Variants in SLC2A9 observed in about 807,000 individuals in gnomAD.
SLC2A9 encodes solute carrier family 2, facilitated glucose transporter member 9.
SLC2A9 carries 39 observed loss-of-function variants against 50.6 expected under a neutral mutation model. That is an observed-to-expected ratio of 0.77 (90% CI 0.60 to 1.01). The LOEUF (loss-of-function observed/expected upper bound fraction) is 1.01. SLC2A9 is among the 50% of genes least tolerant of loss of function. SLC2A9 has a pLI of 0.00. For missense variants in SLC2A9, 686 were observed against 677.6 expected (o/e 1.01, Z -0.14); for synonymous variants, 324 against 276.9 (o/e 1.17, Z -1.69).
intron 6 of SLC2A9, among the ~76,000 whole-genome samples, chr4:9,939,743 T>G (rs1338756190): frequency 6.6e-6 from 1 of 152,118 alleles, no homozygotes; most frequent in Non-Finnish European, 1.5e-5. Flanking sequence ...TCTGTCCATC[T>G]CCCTTAACTA....
intron 1 of SLC2A9, among the ~76,000 whole-genome samples, chr4:10,034,026 C>T (rs1444964413): frequency 6.6e-6 from 1 of 152,236 alleles, no homozygotes; most frequent in Admixed American, 6.5e-5. Context: ...CTCAGCAGCA[C>T]CCCCAGCACC....
intron 8 of SLC2A9, among the ~76,000 whole-genome samples, chr4:9,906,731 AC>A (rs1261226069): frequency 2.0e-5 from 3 of 152,216 alleles, no homozygotes; most frequent in Non-Finnish European, 4.4e-5. Flanking sequence ...AAAACAAAAA[AC>A]ATCTCCCGTA....
chr4:10,016,301 G>C (rs1641183587), intron 2 of SLC2A9, among the ~76,000 whole-genome samples: 1 of 152,176 alleles, frequency 6.6e-6, no homozygotes, highest in South Asian at 2.1e-4. Flanking sequence ...GCCAAACTCT[G>C]GCTCCACTCA....
rs544155420 is a variant in SLC2A9 at position 10,021,374 on chromosome 4, T to A, written c.56A>T (p.Asp19Val). 1 of 1,614,226 alleles carries A rather than the reference T, an allele frequency of 6.2e-7. No homozygotes were observed. The highest frequency in any genetic ancestry group is 1.3e-5 in the African/African-American group (1 of 75,058). Reference protein sequence around the residue: ...SKELGLVPLTDDTSHAGPPGP... With the variant: ...SKELGLVPLTVDTSHAGPPGP... ...TGGAGGCCCGGCGTGGCTGGTGTCA[T>A]CTGTGAGGGGAACTAGGCCCAGTTC... Residue 19 changes from aspartate (D) to valine (V), a missense_variant, in exon 1 of 12, where the codon GAT becomes GTT. Coordinates refer to ENST00000264784, the MANE Select transcript of SLC2A9 (RefSeq NM_020041.3).
At chr4:9,778,238 T>A (rs1468417344), downstream of SLC2A9, among the ~76,000 whole-genome samples, 1 of 151,828 alleles carries the variant, frequency 6.6e-6, no homozygotes, top group African/African-American at 2.4e-5. Flanking sequence ...GCCACCTCTC[T>A]CTCTTTCTGT....
Position 9,867,511 on chromosome 4 carries a change from G to A in SLC2A9, c.1291+20056C>T, listed in dbSNP as rs187014391. 6.6e-5 allele frequency among the ~76,000 whole-genome samples: 10 copies of A among 152,334 alleles called. No homozygotes were observed. In the East Asian group the frequency reaches 1.9e-3, roughly 29 times the overall value. On this transcript the variant is annotated intron_variant, in intron 10 of 11. Transcript: ENST00000264784. ...TATTGGTGATAATGATGATAATGAT[G>A]AAGAAGATGATGATGATTATTTTGA...
intron 10 of SLC2A9, among the ~76,000 whole-genome samples, chr4:9,872,831 T>C (rs1024375367): frequency 2.0e-5 from 3 of 152,240 alleles, no homozygotes; most frequent in Non-Finnish European, 2.9e-5. Flanking sequence ...AAAATGTACA[T>C]TGTTCATAAA....
At chr4:9,990,792 C>A (rs1757569425) in intron 3 of SLC2A9, among the ~76,000 whole-genome samples, 1 of 152,170 alleles carries the variant, frequency 6.6e-6, no homozygotes, top group Non-Finnish European at 1.5e-5. Flanking sequence ...CTCCTTATGT[C>A]CCATCATGAA....
intron 3 of SLC2A9, among the ~76,000 whole-genome samples, chr4:9,789,867 C>T (rs1195769798): frequency 1.3e-5 from 2 of 152,208 alleles, no homozygotes; most frequent in South Asian, 4.1e-4. Context: ...TCTTCTAAGA[C>T]CATTCCTGTC....
chr4:10,038,327 G>T (rs970742834), intron 1 of SLC2A9, among the ~76,000 whole-genome samples: 5 of 151,918 alleles, frequency 3.3e-5, no homozygotes, highest in Admixed American at 3.3e-4. Context: ...GGCCAACATG[G>T]TGAAACCCAG....
chr4:9,872,370 A>G (rs1733581956), intron 10 of SLC2A9, among the ~76,000 whole-genome samples: 1 of 152,200 alleles, frequency 6.6e-6, no homozygotes, highest in Non-Finnish European at 1.5e-5. Flanking sequence ...CTCAAGGTCA[A>G]TTCATCAAAA....
intron 2 of SLC2A9, among the ~76,000 whole-genome samples, chr4:10,011,276 G>A (rs775463045): frequency 1.3e-5 from 2 of 152,128 alleles, no homozygotes; most frequent in African/African-American, 4.8e-5. Flanking sequence ...ACCCAGGCCT[G>A]TATCAGCCCT....
chr4:10,016,915 G>A (rs866962896), intron 2 of SLC2A9, among the ~76,000 whole-genome samples: 4 of 151,638 alleles, frequency 2.6e-5, no homozygotes, highest in Admixed American at 6.6e-5. Flanking sequence ...ACTCCATCCT[G>A]CTTTTCCACC....
chr4:9,782,936 G>C, intron 3 of SLC2A9: 1 of 1,613,930 alleles, frequency 6.2e-7, no homozygotes, highest in Non-Finnish European at 8.5e-7. Context: ...GGTGATCATG[G>C]GGGTCTTCGT....
At chr4:9,917,377 G>A (rs1743065038) in intron 7 of SLC2A9, among the ~76,000 whole-genome samples, 1 of 118,818 alleles carries the variant, frequency 8.4e-6, no homozygotes, top group African/African-American at 3.4e-5. Context: ...CTGTGTCCCA[G>A]GCTGGGGTGT....
intron 7 of SLC2A9, among the ~76,000 whole-genome samples, chr4:9,912,242 T>A (rs1577852953): frequency 6.6e-6 from 1 of 152,134 alleles, no homozygotes; most frequent in African/African-American, 2.4e-5. Context: ...TATACATATG[T>A]AACAAACCTG....
At chr4:9,942,878 C>T (rs540874923) in intron 5 of SLC2A9, among the ~76,000 whole-genome samples, 1 of 152,202 alleles carries the variant, frequency 6.6e-6, no homozygotes, top group Non-Finnish European at 1.5e-5. Flanking sequence ...GAGGAAAAAC[C>T]AAGTCCTCAA....
intron 10 of SLC2A9, among the ~76,000 whole-genome samples, chr4:9,867,467 A>G (rs1732673251): frequency 6.6e-6 from 1 of 152,238 alleles, no homozygotes; most frequent in African/African-American, 2.4e-5. Context: ...TTGGCCCATA[A>G]TAAGTACTCA....
At position 9,942,008 on chromosome 4, in the gene SLC2A9, AC is replaced by A. The variant is rs1157087809; in HGVS notation, c.718del (p.Val240SerfsTer8). 1 of 1,614,110 alleles carries A rather than the reference AC, an allele frequency of 6.2e-7. No homozygotes were observed. The highest frequency in any genetic ancestry group is 8.5e-7 in the Non-Finnish European group (1 of 1,180,010). On this transcript the variant is annotated frameshift_variant, in exon 6 of 12. Transcript: ENST00000264784. LOFTEE classifies it high-confidence loss of function. ...TWPYLFGVIVVPAVVQLLSLP... is the reference protein window; with the variant it reads ...TWPYLFGVIVXPAVVQLLSLP... ...GCTCAGCAGCTGGACAACGGCAGGG[AC>A]CACAATCACTCCAAACAGGTATGGC...
Sources: gnomAD v4.1 joint callset for allele counts (sites outside exome capture counted in the v4.1 genomes callset) on GRCh38, gnomAD v4.1.1 for gene constraint, MANE v1.5 for transcripts, NCBI Gene and HGNC (gene_info 2026-07-23, HGNC 2026-07-21) for gene names.